Variants in ATP8A1 observed in about 807,000 individuals in gnomAD.
ATP8A1 encodes the protein ATPase phospholipid transporting 8A1, also known as phospholipid-transporting ATPase IA.
In ATP8A1, 90 loss-of-function variants were observed where a neutral mutation model predicts 177.7. The observed-to-expected ratio is 0.51, with a 90% CI of 0.43 to 0.60. The LOEUF is 0.60. Ranked by LOEUF, ATP8A1 falls within the 20% of genes least tolerant of loss-of-function variation. ATP8A1 has a pLI of 0.00. For missense variants in ATP8A1, 1,072 were observed against 1,392.8 expected, an observed-to-expected ratio of 0.77 and a Z score of 3.67; for synonymous variants, 493 against 485.9, an observed-to-expected ratio of 1.01 and a Z score of -0.19.
At chr4:42,485,691 A>C in intron 24 of ATP8A1, 23 bp from the exon 25 acceptor site, 1 of 1,598,442 alleles carries the variant, frequency 6.3e-7, no homozygotes, top group Non-Finnish European at 8.5e-7. Context: ...ACAAGCAAAA[A>C]TGCCATCAAC....
At chr4:42,645,227 T>A (rs1740413741) in intron 1 of ATP8A1, among the ~76,000 whole-genome samples, 1 of 152,222 alleles carries the variant, frequency 6.6e-6, no homozygotes, top group South Asian at 2.1e-4. Flanking sequence ...ATGACCTTGA[T>A]CATTTCTGAG....
intron 35 of ATP8A1, among the ~76,000 whole-genome samples, chr4:42,419,791 C>T (rs568557267): frequency 2.0e-5 from 3 of 152,184 alleles, no homozygotes; most frequent in East Asian, 1.9e-4. Flanking sequence ...ATCACGAGGT[C>T]AGGAGTTCGA....
intron 35 of ATP8A1, 89 bp downstream of exon 35, chr4:42,422,718 A>C: frequency 1.8e-5 from 18 of 1,009,810 alleles, no homozygotes; most frequent in Non-Finnish European, 2.5e-5. Flanking sequence ...GATGCTGACA[A>C]ATACAAGTCT....
intron 20 of ATP8A1, among the ~76,000 whole-genome samples, chr4:42,537,934 AG>A (rs1728012130): frequency 6.6e-6 from 1 of 152,220 alleles, no homozygotes; most frequent in African/African-American, 2.4e-5. Flanking sequence ...GAACCACAAA[AG>A]AGCCTGCAAA....
Position 42,578,264 on chromosome 4 carries a change from T to C in ATP8A1, c.1124A>G (p.Asn375Ser). 1 of 1,595,548 alleles carries C rather than the reference T, an allele frequency of 6.3e-7. No homozygotes were observed. The highest frequency in any genetic ancestry group is 8.5e-7 in the Non-Finnish European group (1 of 1,172,040). The part of the protein sequence containing the change: ...VVKFTQAYFI[N>S]WDLDMHYEPT... Reference sequence around the variant, plus strand: ...ACAATCATAATTCATATTTACCCAATTTATGAAGTATGCCTGGGTAAATTT... The same window carrying C: ...ACAATCATAATTCATATTTACCCAACTTATGAAGTATGCCTGGGTAAATTT... Residue 375 changes from asparagine (N) to serine (S), a missense_variant, in exon 12 of 37, where the codon AAT becomes AGT. By Grantham distance (46) the Asn-to-Ser change is conservative. Coordinates refer to ENST00000381668, the MANE Select transcript of ATP8A1 (RefSeq NM_006095.2).
intron 19 of ATP8A1, among the ~76,000 whole-genome samples, chr4:42,546,722 CT>C (rs1221816396): frequency 2.0e-5 from 3 of 151,950 alleles, no homozygotes; most frequent in Non-Finnish European, 4.4e-5. Flanking sequence ...CCTTTTTCTT[CT>C]CTCCTCACCA....
chr4:42,544,103 G>A (rs1401441122), intron 19 of ATP8A1, 117 bp from the exon 20 acceptor site: 2 of 800,972 alleles, frequency 2.5e-6, no homozygotes, highest in Non-Finnish European at 4.0e-6. Context: ...ACCAAATCAT[G>A]AGCCCTAACC....
chr4:42,480,010 G>GTGTGTGTGTGTGTT (rs1560372220), intron 25 of ATP8A1, among the ~76,000 whole-genome samples: 1 of 150,438 alleles, frequency 6.6e-6, no homozygotes, highest in African/African-American at 2.4e-5. Flanking sequence ...GTGTGTGTGT[G>GTGTGTGTGTGTGTT]TGTGTGTGTG....
At position 42,581,651 on chromosome 4, in the gene ATP8A1, G is replaced by A; in HGVS notation, c.804C>T (p.Val268=). 6.2e-7 allele frequency: 1 copy of A among 1,614,098 alleles called. No homozygotes were observed. The highest frequency in any genetic ancestry group is 8.5e-7 in the Non-Finnish European group (1 of 1,179,938). Reference sequence around the variant, plus strand: ...TCAGCTTGGTGTCATGTCCAGTGTAGACAACTATTCCATGAACCCACTGTG... The same window carrying A: ...TCAGCTTGGTGTCATGTCCAGTGTAAACAACTATTCCATGAACCCACTGTG... ...RNTQWVHGIV[V]YTGHDTKLMQ... Residue 268 remains valine, a synonymous_variant, in exon 10 of 37, where the codon GTC becomes GTT. Transcript: ENST00000381668.
chr4:42,602,164 A>G (rs1735347374), intron 5 of ATP8A1, among the ~76,000 whole-genome samples: 1 of 152,220 alleles, frequency 6.6e-6, no homozygotes, highest in Non-Finnish European at 1.5e-5. Flanking sequence ...TATTTCCAGC[A>G]CAATATCTTA....
At chr4:42,446,281 T>C (rs929096942) in intron 31 of ATP8A1, among the ~76,000 whole-genome samples, 1 of 152,066 alleles carries the variant, frequency 6.6e-6, no homozygotes, top group Non-Finnish European at 1.5e-5. Context: ...CTTTTGCTTG[T>C]CTTTTACTAC....
intron 5 of ATP8A1, among the ~76,000 whole-genome samples, chr4:42,605,250 T>C (rs774029534): frequency 1.3e-5 from 2 of 152,208 alleles, no homozygotes; most frequent in Non-Finnish European, 2.9e-5. Flanking sequence ...AATAGACATC[T>C]CAGTTTTATA....
intron 33 of ATP8A1, among the ~76,000 whole-genome samples, chr4:42,438,970 G>A (rs1284137512): frequency 3.9e-5 from 6 of 152,146 alleles, no homozygotes; most frequent in Admixed American, 3.3e-4. Flanking sequence ...AACTTAGGGA[G>A]CAAGGATTTT....
intron 1 of ATP8A1, among the ~76,000 whole-genome samples, chr4:42,637,983 G>C (rs1739561809): frequency 6.6e-6 from 1 of 152,186 alleles, no homozygotes; most frequent in South Asian, 2.1e-4. Context: ...TGCTATGCAT[G>C]CTTATGTACA....
At chr4:42,484,035 A>G (rs146579026) in intron 25 of ATP8A1, among the ~76,000 whole-genome samples, 3 of 152,352 alleles carry the variant, frequency 2.0e-5, no homozygotes, top group Non-Finnish European at 2.9e-5. Context: ...CTTTTGAGCA[A>G]TCTTTTGTTG....
At chr4:42,528,013 TG>T (rs201733134) in intron 20 of ATP8A1, among the ~76,000 whole-genome samples, 1,692 of 152,284 alleles carry the variant, frequency 0.011, 35 homozygotes, top group African/African-American at 0.039. Context: ...TGGGGACTAC[TG>T]GACACTGGCT....
At chr4:42,537,132 C>CAAAA (rs201979731) in intron 20 of ATP8A1, among the ~76,000 whole-genome samples, 2 of 99,306 alleles carry the variant, frequency 2.0e-5, no homozygotes, top group Non-Finnish European at 3.9e-5. Context: ...AACTCCGTCT[C>CAAAA]AAAAAAAAAA....
intron 29 of ATP8A1, among the ~76,000 whole-genome samples, chr4:42,452,442 A>G (rs1206261654): frequency 1.3e-5 from 2 of 152,222 alleles, no homozygotes; most frequent in African/African-American, 2.4e-5. Context: ...AAATCCCTTT[A>G]TATTCCCCAC....
chr4:42,498,608 T>G (rs1331774339), intron 24 of ATP8A1, among the ~76,000 whole-genome samples: 7 of 152,186 alleles, frequency 4.6e-5, no homozygotes, highest in Non-Finnish European at 8.8e-5. Context: ...TAGAGAACTT[T>G]AAGTAATTTA....
Sources: gnomAD v4.1 joint callset for allele counts (sites outside exome capture counted in the v4.1 genomes callset) on GRCh38, gnomAD v4.1.1 for gene constraint, MANE v1.5 for transcripts, NCBI Gene and HGNC (gene_info 2026-07-23, HGNC 2026-07-21) for gene names.